The following PCSK5 variants were observed in gnomAD, a reference collection of about 807,000 sequenced individuals.
PCSK5 encodes the protein proprotein convertase subtilisin/kexin type 5.
Under a neutral mutation model 233.2 loss-of-function variants are expected in PCSK5, and 129 were observed. That is an observed-to-expected ratio of 0.55 (90% CI 0.48 to 0.64). PCSK5 has a LOEUF of 0.64. PCSK5 is among the 30% of genes least tolerant of loss of function. The probability of loss-of-function intolerance (pLI) is 0.00; values close to 1 mark genes in which losing one functional copy is unlikely to be tolerated. For synonymous variants in PCSK5, 825 were observed against 879.2 expected (o/e 0.94, Z 1.09); for missense variants, 2,076 against 2,430.1 (o/e 0.85, Z 3.06).
chr9:76,344,176 T>C (rs543089280), intron 35 of PCSK5, among the ~76,000 whole-genome samples: 1 of 152,110 alleles, frequency 6.6e-6, no homozygotes, highest in African/African-American at 2.4e-5. Context: ...ACCACAGTAA[T>C]AACCTAGAGC....
intron 24 of PCSK5, among the ~76,000 whole-genome samples, chr9:76,266,224 A>G (rs905956643): frequency 7.2e-5 from 11 of 152,214 alleles, no homozygotes; most frequent in Non-Finnish European, 1.2e-4. Flanking sequence ...GGAAATATTC[A>G]TTTAATAGGA....
intron 24 of PCSK5, among the ~76,000 whole-genome samples, chr9:76,246,074 CTGTAATCCCAGCACTT>C (rs546800955): frequency 6.6e-5 from 10 of 152,228 alleles, no homozygotes; most frequent in Admixed American, 5.2e-4. Flanking sequence ...TGGCTCACGC[CTGTAATCCCAGCACTT>C]TGTACTTTGG....
chr9:75,936,905 G>A (rs116126980), intron 2 of PCSK5, among the ~76,000 whole-genome samples: 1,583 of 152,256 alleles, frequency 0.01, 25 homozygotes, highest in African/African-American at 0.036. Flanking sequence ...AAATACATTT[G>A]AAAGTAGACA....
In PCSK5 at chr9:76,240,626, A is replaced by G. The variant is rs771214678; in HGVS notation, c.3084A>G (p.Gln1028=). 1.3e-6 allele frequency: 2 copies of G among 1,574,660 alleles called. No homozygotes were observed. Among genetic ancestry groups the G allele is most frequent in the Non-Finnish European group, 1.7e-6 (2 of 1,157,910 alleles). Residue 1028 remains glutamine, a synonymous_variant, in exon 24 of 38, where the codon CAA becomes CAG. Coordinates refer to ENST00000674117, the MANE Select transcript of PCSK5 (RefSeq NM_001372043.1). ...QKLECGQGEV[Q]DPDYEECVPC... The stretch of plus-strand genomic sequence containing the variant: ...TCTCTGTCTGTGTAGGTGAAGTCCA[A>G]GACCCAGACTATGAAGAATGTGTCC...
chr9:75,893,519 A>AG (rs1353372282), intron 1 of PCSK5, among the ~76,000 whole-genome samples: 7 of 152,236 alleles, frequency 4.6e-5, no homozygotes, highest in Non-Finnish European at 8.8e-5. Flanking sequence ...GACTTTAACA[A>AG]GGGCAGAAAC....
intron 2 of PCSK5, among the ~76,000 whole-genome samples, chr9:75,976,994 G>T (rs2131375077): frequency 6.6e-6 from 1 of 152,222 alleles, no homozygotes; most frequent in African/African-American, 2.4e-5. Flanking sequence ...CCATTGAAAT[G>T]CTGGAGATGT....
rs1291444489 is a variant in PCSK5 at position 76,239,143 on chromosome 9, C to T, written c.3051C>T (p.Cys1017=). Residue 1017 remains cysteine, a synonymous_variant, in exon 23 of 38, where the codon TGC becomes TGT. Coordinates refer to ENST00000674117, the MANE Select transcript of PCSK5 (RefSeq NM_001372043.1). ...TCATAGCGCCCACCAACCACACATG[C>T]CAGAAGTTAGAGTGTGGACAAGGTA... ...GYFIAPTNHT[C]QKLECGQGEV... 1.3e-6 allele frequency: 2 copies of T among 1,588,690 alleles called. No individual in the cohort carries two copies. The highest frequency in any genetic ancestry group is 1.3e-5 in the African/African-American group (1 of 74,414).
At chr9:76,122,524 T>C (rs1832682477) in intron 9 of PCSK5, among the ~76,000 whole-genome samples, 1 of 152,190 alleles carries the variant, frequency 6.6e-6, no homozygotes, top group Non-Finnish European at 1.5e-5. Context: ...TTTCACTACA[T>C]TGTGTCCAGA....
At chr9:76,134,283 G>A (rs1318795039) in intron 10 of PCSK5, 71 bp downstream of exon 10, 2 of 939,660 alleles carry the variant, frequency 2.1e-6, no homozygotes, top group Non-Finnish European at 3.3e-6. Flanking sequence ...ATGGAGAGCA[G>A]GAAACAGAAC....
intron 21 of PCSK5, among the ~76,000 whole-genome samples, chr9:76,233,221 C>T (rs1282211302): frequency 6.6e-6 from 1 of 152,160 alleles, no homozygotes; most frequent in East Asian, 1.9e-4. Context: ...GAAGCAGATT[C>T]GGGATTGTTT....
At chr9:76,125,156 A>G (rs1393732152) in intron 9 of PCSK5, among the ~76,000 whole-genome samples, 3 of 152,192 alleles carry the variant, frequency 2.0e-5, no homozygotes, top group Admixed American at 2.0e-4. Flanking sequence ...GGCTGTGGCT[A>G]TGTCCTTGCT....
intron 9 of PCSK5, among the ~76,000 whole-genome samples, chr9:76,121,593 C>T (rs1429341239): frequency 1.3e-5 from 2 of 152,114 alleles, no homozygotes; most frequent in African/African-American, 4.8e-5. Flanking sequence ...AGCTTTTAAC[C>T]CACGTTGGTT....
At chr9:76,352,521 G>A (rs749408932) in intron 36 of PCSK5, among the ~76,000 whole-genome samples, 2 of 151,908 alleles carry the variant, frequency 1.3e-5, no homozygotes, top group Non-Finnish European at 2.9e-5. Context: ...TTCTGACCAC[G>A]ATGCCCAGCT....
rs1828632438 is a variant in PCSK5 at position 76,302,190 on chromosome 9, C to T, written c.3577C>T (p.Arg1193Ter). 4 of 1,351,530 alleles carry T rather than the reference C, an allele frequency of 3.0e-6. No individual in the cohort carries two copies. Among genetic ancestry groups the T allele is most frequent in the African/African-American group, 1.5e-5 (1 of 66,342 alleles). 83.7% of individuals were successfully genotyped at this position (1,351,530 alleles called of 1,614,324 possible). A position where few individuals can be genotyped will look rare whatever the true frequency, so the allele number is the denominator to read the frequency against. Reference sequence around the variant, plus strand: ...GGTGAAGAGCCTGCTGCAGGAGCGACGAAGGTGGAAAGTTCAAATCAAAAG... The same window carrying T: ...GGTGAAGAGCCTGCTGCAGGAGCGATGAAGGTGGAAAGTTCAAATCAAAAG... ...SVVKSLLQER[R>*]RWKVQIKRDI... Residue 1193 changes from arginine to a stop codon, truncating the protein, a stop_gained, in exon 28 of 38, where the codon CGA (arginine) becomes TGA (stop). Transcript: ENST00000674117. LOFTEE classifies it high-confidence loss of function.
In PCSK5 at chr9:76,081,488, T is replaced by C. The variant is rs552369749; in HGVS notation, c.894+9590T>C. Among the ~76,000 whole-genome samples the C allele has an allele frequency of 1.7e-4, 26 of 150,850 alleles. No homozygotes were observed. In the East Asian group the frequency reaches 3.9e-3, roughly 22 times the overall value. On this transcript the variant is annotated intron_variant, in intron 7 of 37. Transcript: ENST00000674117. ...ATAAATAAATAAACAAACAAACAAA[T>C]AAATAAATAAATAAATACATAAAAG...
chr9:76,355,996 G>A (rs530474019), intron 37 of PCSK5, among the ~76,000 whole-genome samples: 5 of 152,242 alleles, frequency 3.3e-5, no homozygotes, highest in Admixed American at 6.5e-5. Flanking sequence ...GAGCTACCGC[G>A]CCTGGCTTGA....
At chr9:76,238,925 T>G in intron 22 of PCSK5, 34 bp from the exon 23 acceptor site, 1 of 1,465,480 alleles carries the variant, frequency 6.8e-7, no homozygotes, top group Non-Finnish European at 9.5e-7. Context: ...CTTTGTACAT[T>G]TTCCCTCTTT....
chr9:75,923,724 C>G (rs1486681703), intron 1 of PCSK5, among the ~76,000 whole-genome samples: 1 of 152,094 alleles, frequency 6.6e-6, no homozygotes, highest in Non-Finnish European at 1.5e-5. Flanking sequence ...ACTTGCAATT[C>G]TAGAGGCCAG....
At chr9:75,943,256 C>T (rs1350150135) in intron 2 of PCSK5, among the ~76,000 whole-genome samples, 1 of 152,080 alleles carries the variant, frequency 6.6e-6, no homozygotes, top group Non-Finnish European at 1.5e-5. Flanking sequence ...TGATAGCATT[C>T]TAAATTTCTA....
Sources: gnomAD v4.1 joint callset for allele counts (sites outside exome capture counted in the v4.1 genomes callset) on GRCh38, gnomAD v4.1.1 for gene constraint, MANE v1.5 for transcripts, NCBI Gene and HGNC (gene_info 2026-07-23, HGNC 2026-07-21) for gene names.